The following GABRB1 variants were observed in gnomAD, a reference collection of about 807,000 sequenced individuals.
GABRB1 encodes gamma-aminobutyric acid receptor subunit beta-1.
Under a neutral mutation model 51.6 loss-of-function variants are expected in GABRB1, and 17 were observed. The ratio of observed to expected loss-of-function variants is 0.33; its 90% CI spans 0.23 to 0.49. The LOEUF (loss-of-function observed/expected upper bound fraction) is 0.49, where lower values mean the gene tolerates loss of function less well. GABRB1 is among the 20% of genes least tolerant of loss of function. The pLI is 0.99. For missense variants in GABRB1, 410 were observed against 600.6 expected (o/e 0.68, Z 3.32); for synonymous variants, 247 against 218.9 (o/e 1.13, Z -1.14).
At chr4:47,378,806 A>G (rs1727489639) in intron 5 of GABRB1, among the ~76,000 whole-genome samples, 1 of 152,030 alleles carries the variant, frequency 6.6e-6, no homozygotes, top group Non-Finnish European at 1.5e-5. Flanking sequence ...TTTTAATTAA[A>G]TTATTTAATC....
intron 3 of GABRB1, among the ~76,000 whole-genome samples, chr4:47,111,656 A>G (rs961215189): frequency 6.6e-6 from 1 of 151,904 alleles, no homozygotes; most frequent in Non-Finnish European, 1.5e-5. Context: ...TTGAGCTCAG[A>G]AGTTTGAGAC....
intron 4 of GABRB1, among the ~76,000 whole-genome samples, chr4:47,316,754 T>A (rs1207286493): frequency 6.6e-6 from 1 of 151,932 alleles, no homozygotes; most frequent in Non-Finnish European, 1.5e-5. Context: ...TTGGGGCTGT[T>A]GTTGTTCCTG....
chr4:47,363,046 G>T (rs1488417600), intron 5 of GABRB1, among the ~76,000 whole-genome samples: 1 of 151,710 alleles, frequency 6.6e-6, no homozygotes, highest in East Asian at 1.9e-4. Context: ...GTGTGTGTTT[G>T]TGTGTGTGTC....
At chr4:47,129,266 A>T (rs1716303843) in intron 3 of GABRB1, among the ~76,000 whole-genome samples, 1 of 152,176 alleles carries the variant, frequency 6.6e-6, no homozygotes, top group African/African-American at 2.4e-5. Context: ...CCTTCTTTTA[A>T]AGCACTGATC....
chr4:47,233,398 A>G (rs1721213841), intron 4 of GABRB1, among the ~76,000 whole-genome samples: 1 of 152,164 alleles, frequency 6.6e-6, no homozygotes, highest in Admixed American at 6.6e-5. Context: ...TGAGGGTCCA[A>G]GCTCTTTCTA....
chr4:47,232,288 T>G (rs1400839885), intron 4 of GABRB1, among the ~76,000 whole-genome samples: 1 of 152,066 alleles, frequency 6.6e-6, no homozygotes, highest in Non-Finnish European at 1.5e-5. Context: ...TCCAGAAAAC[T>G]AATTTTAATT....
intron 4 of GABRB1, among the ~76,000 whole-genome samples, chr4:47,272,204 G>A (rs528276111): frequency 3.6e-4 from 55 of 152,164 alleles, no homozygotes; most frequent in African/African-American, 1.3e-3. Context: ...AATAAAAAGT[G>A]GCAACATAAT....
intron 4 of GABRB1, among the ~76,000 whole-genome samples, chr4:47,276,191 A>C (rs945558763): frequency 2.0e-5 from 3 of 152,156 alleles, no homozygotes; most frequent in Non-Finnish European, 4.4e-5. Flanking sequence ...ACTTTGTCCC[A>C]AAGTAATGCT....
At chr4:47,098,652 G>A (rs1714576134) in intron 3 of GABRB1, among the ~76,000 whole-genome samples, 1 of 152,100 alleles carries the variant, frequency 6.6e-6, no homozygotes, top group Admixed American at 6.6e-5. Flanking sequence ...GCATAGAGGT[G>A]TGTAAAGAGT....
chr4:47,051,391 A>G (rs1329856713), intron 3 of GABRB1, among the ~76,000 whole-genome samples: 1 of 152,198 alleles, frequency 6.6e-6, no homozygotes, highest in Non-Finnish European at 1.5e-5. Context: ...TTGGAGACAA[A>G]TAAAACTGAG....
Position 47,320,160 on chromosome 4 carries a change from T to A in GABRB1, c.495T>A (p.Leu165=). Residue 165 remains leucine (L), a synonymous_variant, in exon 5 of 9, where the codon CTT becomes CTA. Coordinates refer to ENST00000295454, the MANE Select transcript of GABRB1 (RefSeq NM_000812.4). Reference sequence around the variant, plus strand: ...CCACAGCTGCATGTATGATGGATCTTCGAAGATATCCATTGGATGAGCAGA... The same window carrying A: ...CCACAGCTGCATGTATGATGGATCTACGAAGATATCCATTGGATGAGCAGA... The part of the protein sequence containing the change: ...ITTTAACMMD[L]RRYPLDEQNC... 1 of 1,608,184 alleles carries A rather than the reference T, an allele frequency of 6.2e-7. No individual in the cohort carries two copies. The highest frequency in any genetic ancestry group is 1.1e-5 in the South Asian group (1 of 91,004).
intron 3 of GABRB1, among the ~76,000 whole-genome samples, chr4:47,110,547 C>A (rs1015775667): frequency 6.6e-6 from 1 of 152,104 alleles, no homozygotes; most frequent in Admixed American, 6.5e-5. Flanking sequence ...AAACAAGTTT[C>A]TTTTAGCCAG....
intron 1 of GABRB1, among the ~76,000 whole-genome samples, chr4:47,026,552 G>A (rs771159068): frequency 3.2e-4 from 48 of 151,936 alleles, no homozygotes; most frequent in East Asian, 2.5e-3. Context: ...ATATATTACC[G>A]GTAACAGGCT....
chr4:47,221,056 TCCTC>T (rs1336863663), intron 4 of GABRB1, among the ~76,000 whole-genome samples: 1 of 152,026 alleles, frequency 6.6e-6, no homozygotes. Flanking sequence ...GTCCCAAACT[TCCTC>T]CATCCTTTCT....
At chr4:47,359,745 G>C (rs1246356302) in intron 5 of GABRB1, among the ~76,000 whole-genome samples, 2 of 151,944 alleles carry the variant, frequency 1.3e-5, no homozygotes, top group Non-Finnish European at 2.9e-5. Flanking sequence ...AAAAATTTCA[G>C]ACAAAACCCT....
intron 5 of GABRB1, among the ~76,000 whole-genome samples, chr4:47,358,051 C>T (rs1165431838): frequency 6.6e-6 from 1 of 152,086 alleles, no homozygotes; most frequent in Non-Finnish European, 1.5e-5. Flanking sequence ...TTCCATTTTG[C>T]AGATATGGAC....
intron 5 of GABRB1, among the ~76,000 whole-genome samples, chr4:47,370,722 A>T (rs12331254): frequency 0.53 from 80,221 of 151,912 alleles, 21,681 homozygotes; most frequent in African/African-American, 0.58. Context: ...AATATTGACC[A>T]ACCAGGTGCT....
chr4:47,358,466 T>A (rs1280319144), intron 5 of GABRB1, among the ~76,000 whole-genome samples: 1 of 151,802 alleles, frequency 6.6e-6, no homozygotes, highest in Non-Finnish European at 1.5e-5. Context: ...CTCATGTAAC[T>A]GTAGGGGCTG....
intron 4 of GABRB1, among the ~76,000 whole-genome samples, chr4:47,255,626 A>T (rs1722169558): frequency 6.6e-6 from 1 of 152,230 alleles, no homozygotes. Context: ...GATGATCGTG[A>T]CCTAAGACAA....
Sources: gnomAD v4.1 joint callset for allele counts (sites outside exome capture counted in the v4.1 genomes callset) on GRCh38, gnomAD v4.1.1 for gene constraint, MANE v1.5 for transcripts, NCBI Gene and HGNC (gene_info 2026-07-23, HGNC 2026-07-21) for gene names.